Variants in ERG observed in about 807,000 individuals in gnomAD.
ERG encodes the protein transcriptional regulator ERG.
A neutral mutation model predicts 55.3 loss-of-function variants in ERG; 9 were observed. That is an observed-to-expected ratio of 0.16 (90% CI 0.10 to 0.28). ERG has a LOEUF of 0.28. Ranked by LOEUF, ERG falls within the 10% of genes least tolerant of loss-of-function variation. The pLI, the probability that ERG is intolerant of heterozygous loss-of-function variation, is 1.00. For synonymous variants in ERG, 223 were observed against 237.3 expected (o/e 0.94, Z 0.55); for missense variants, 434 against 631.6 (o/e 0.69, Z 3.35).
intron 1 of ERG, among the ~76,000 whole-genome samples, chr21:38,583,000 A>G (rs757564431): frequency 2.0e-5 from 3 of 152,280 alleles, no homozygotes; most frequent in Non-Finnish European, 4.4e-5. Flanking sequence ...CTGACTAAAA[A>G]CATCCTTAAT....
intron 1 of ERG, among the ~76,000 whole-genome samples, chr21:38,449,347 C>T (rs1269542874): frequency 1.3e-5 from 2 of 152,094 alleles, no homozygotes; most frequent in African/African-American, 2.4e-5. Context: ...TTACGAGAAA[C>T]ACATAATTCT....
intron 2 of ERG, among the ~76,000 whole-genome samples, chr21:38,554,943 A>T (rs1198781060): frequency 1.3e-5 from 2 of 152,154 alleles, no homozygotes; most frequent in Non-Finnish European, 2.9e-5. Flanking sequence ...GAAAATACAG[A>T]TGAATAGTTA....
At chr21:38,396,681 C>G (rs1046854804) in intron 6 of ERG, among the ~76,000 whole-genome samples, 14 of 152,198 alleles carry the variant, frequency 9.2e-5, no homozygotes, top group African/African-American at 3.1e-4. Context: ...TTTGCATGAC[C>G]TGCTCCTAAG....
chr21:38,655,230 T>C (rs2060511609), intron 1 of ERG, among the ~76,000 whole-genome samples: 1 of 152,116 alleles, frequency 6.6e-6, no homozygotes, highest in Non-Finnish European at 1.5e-5. Flanking sequence ...TCACCCCCTC[T>C]TCCTCCCACA....
chr21:38,654,145 G>A lies in ERG; in HGVS notation c.-150+7513C>T, dbSNP rs73220110. Among the ~76,000 whole-genome samples the A allele has an allele frequency of 9.0e-3, 1,367 of 152,366 alleles. 17 individuals carry two copies. Among genetic ancestry groups the A allele is most frequent in the South Asian group, 0.032 (156 of 4,828 alleles). On this transcript the variant is annotated intron_variant, in intron 1 of 10. Coordinates refer to the ERG transcript ENST00000398910. The stretch of plus-strand genomic sequence containing the variant: ...AAAAATATATTCAGTTTCATTAAGA[G>A]ATATTCGATCTTCAGAACTGATACT...
At chr21:38,429,977 G>A (rs561460469) in intron 2 of ERG, among the ~76,000 whole-genome samples, 10 of 152,206 alleles carry the variant, frequency 6.6e-5, no homozygotes, top group Non-Finnish European at 1.3e-4. Flanking sequence ...GTTCCATAGT[G>A]GTTGTACTAG....
upstream of ERG, among the ~76,000 whole-genome samples, chr21:38,501,204 T>G (rs1442911181): frequency 1.3e-5 from 2 of 151,734 alleles, no homozygotes; most frequent in African/African-American, 4.8e-5. Flanking sequence ...TAGCTGGGAC[T>G]GCAGGCGCCC....
intron 2 of ERG, among the ~76,000 whole-genome samples, chr21:38,424,672 C>G (rs993954060): frequency 2.6e-5 from 4 of 152,210 alleles, no homozygotes; most frequent in African/African-American, 9.6e-5. Flanking sequence ...GAACGACGTT[C>G]CTTCTCAAAA....
At chr21:38,395,192 C>T (rs1292237026) in intron 6 of ERG, among the ~76,000 whole-genome samples, 4 of 152,270 alleles carry the variant, frequency 2.6e-5, no homozygotes, top group East Asian at 1.9e-4. Flanking sequence ...GCTTCCTTAT[C>T]GGCTACCGAT....
intron 1 of ERG, among the ~76,000 whole-genome samples, chr21:38,630,677 A>G (rs1412001279): frequency 6.6e-6 from 1 of 152,236 alleles, no homozygotes; most frequent in Non-Finnish European, 1.5e-5. Context: ...AAGTACTGAA[A>G]ACAACAACCA....
chr21:38,547,416 A>T (rs774467784), intron 2 of ERG, among the ~76,000 whole-genome samples: 28 of 152,168 alleles, frequency 1.8e-4, no homozygotes, highest in Non-Finnish European at 3.2e-4. Flanking sequence ...AACTCACCAA[A>T]ATGAAGAGTG....
At chr21:38,659,669 T>A (rs1055763529) in intron 1 of ERG, among the ~76,000 whole-genome samples, 1 of 152,244 alleles carries the variant, frequency 6.6e-6, no homozygotes, top group Admixed American at 6.5e-5. Flanking sequence ...CTGTAGCACA[T>A]ACGAATATGT....
At chr21:38,560,608 A>G (rs1180348090) in intron 2 of ERG, among the ~76,000 whole-genome samples, 1 of 152,086 alleles carries the variant, frequency 6.6e-6, no homozygotes, top group Non-Finnish European at 1.5e-5. Context: ...AAACACTAAC[A>G]TTCCTAATTC....
chr21:38,637,737 G>C (rs1036589543), intron 1 of ERG, among the ~76,000 whole-genome samples: 2 of 152,030 alleles, frequency 1.3e-5, no homozygotes, highest in African/African-American at 4.8e-5. Flanking sequence ...CTGTTCACTT[G>C]CTTTGTCCTT....
intron 2 of ERG, among the ~76,000 whole-genome samples, chr21:38,575,119 G>A (rs747459262): frequency 6.6e-6 from 1 of 152,202 alleles, no homozygotes; most frequent in African/African-American, 2.4e-5. Context: ...CAGGGCAGGT[G>A]TGAGGTGATG....
At chr21:38,392,270 C>T (rs1988007016) in intron 7 of ERG, 106 bp downstream of exon 7, 1 of 946,554 alleles carries the variant, frequency 1.1e-6, no homozygotes, top group East Asian at 2.6e-5. Context: ...AAACCCATCA[C>T]ATGTTGCAAA....
chr21:38,398,682 C>T (rs530254689), intron 6 of ERG, among the ~76,000 whole-genome samples: 31 of 152,236 alleles, frequency 2.0e-4, no homozygotes, highest in Middle Eastern at 3.4e-3. Flanking sequence ...CCTGGATGGG[C>T]CATACCTTCC....
chr21:38,400,711 C>G (rs980289031), intron 5 of ERG, 66 bp from the exon 6 acceptor site: 44 of 1,246,318 alleles, frequency 3.5e-5, no homozygotes, highest in Non-Finnish European at 4.8e-5. Flanking sequence ...TCAACATCAG[C>G]GCCAAATCTA....
intron 2 of ERG, among the ~76,000 whole-genome samples, chr21:38,572,200 A>AG (rs1265979265): frequency 6.7e-6 from 1 of 150,212 alleles, no homozygotes; most frequent in East Asian, 1.9e-4. Flanking sequence ...ACTAAAAAAA[A>AG]AAAAAAAAAT....
Sources: gnomAD v4.1 joint callset for allele counts (sites outside exome capture counted in the v4.1 genomes callset) on GRCh38, gnomAD v4.1.1 for gene constraint, MANE v1.5 for transcripts, NCBI Gene and HGNC (gene_info 2026-07-23, HGNC 2026-07-21) for gene names.